Variants in GMEB1 observed in about 807,000 individuals in gnomAD.
GMEB1 encodes glucocorticoid modulatory element-binding protein 1.
In GMEB1, 6 loss-of-function variants were observed where a neutral mutation model predicts 52.4. That is an observed-to-expected ratio of 0.11 (90% confidence interval 0.06 to 0.23). The LOEUF is 0.23. GMEB1 is among the 10% of genes least tolerant of loss of function. The pLI is 1.00. For synonymous variants in GMEB1, 255 were observed against 244.9 expected, an observed-to-expected ratio of 1.04 and a Z score of -0.38; for missense variants, 486 against 685.6, an observed-to-expected ratio of 0.71 and a Z score of 3.25.
chr1:28,711,299 AG>A (rs1671049466), intron 9 of GMEB1, among the ~76,000 whole-genome samples: 2 of 121,974 alleles, frequency 1.6e-5, no homozygotes, highest in Non-Finnish European at 1.8e-5. Context: ...AAAAAAAAAA[AG>A]AAAAAAAAAC....
chr1:28,677,401 G>T (rs1223703104), intron 1 of GMEB1, among the ~76,000 whole-genome samples: 6 of 152,116 alleles, frequency 3.9e-5, no homozygotes, highest in Admixed American at 3.9e-4. Flanking sequence ...GTTTCCCCGT[G>T]TTAGCCAGGA....
chr1:28,707,460 C>T lies in GMEB1; in HGVS notation c.869-3060C>T, dbSNP rs369195251. ...ATGTATCATGGATTAGAGTGGGTAG[C>T]GGTAAAGTTAGGAAGAAGTGATTAG... On this transcript the variant is annotated intron_variant, in intron 8 of 9. Coordinates refer to ENST00000373816, the MANE Select transcript of GMEB1 (RefSeq NM_001319674.2). 1.7e-3 allele frequency among the ~76,000 whole-genome samples: 251 copies of T among 151,988 alleles called. 2 individuals are homozygous for T. The highest frequency in any genetic ancestry group is 3.5e-3 in the African/African-American group (147 of 41,450).
rs200233197 is a variant in GMEB1 at position 28,698,980 on chromosome 1, C to CA, written c.598+1905dup. Among the ~76,000 whole-genome samples, 54 of 148,988 alleles carry CA rather than the reference C, an allele frequency of 3.6e-4. No individual in the cohort carries two copies. The East Asian group carries it at 7.1e-3, about 19-fold the overall frequency. Reference sequence around the variant, plus strand: ...TGGGTAACAGAGCAAGACTCTGTCTCAAAAAAAAAGGAAAAAAGAAAAATG... The same window carrying CA: ...TGGGTAACAGAGCAAGACTCTGTCTCAAAAAAAAAAGGAAAAAAGAAAAATG... On this transcript the variant is annotated intron_variant, in intron 6 of 9. Transcript: ENST00000373816.
At position 28,693,059 on chromosome 1, in the gene GMEB1, T is replaced by G. The variant is rs1484559012; in HGVS notation, c.440+14T>G. ...GATCATGCTCAGGTAAGCTCTAATG[T>G]CAAGCACATACCTTTCAACAAACTT... On this transcript the variant is annotated intron_variant, in intron 5 of 9. Coordinates refer to ENST00000373816, the MANE Select transcript of GMEB1 (RefSeq NM_001319674.2). The G allele has an allele frequency of 7.1e-7, 1 of 1,398,742 alleles. No homozygotes were observed. The highest frequency in any genetic ancestry group is 1.0e-6 in the Non-Finnish European group (1 of 1,002,382). 86.6% of individuals were successfully genotyped at this position (1,398,742 alleles called of 1,614,324 possible). A position where few individuals can be genotyped will look rare whatever the true frequency, so the allele number is the denominator to read the frequency against.
chr1:28,683,975 G>A (rs112449151), intron 2 of GMEB1, among the ~76,000 whole-genome samples: 9 of 151,962 alleles, frequency 5.9e-5, no homozygotes, highest in African/African-American at 1.9e-4. Context: ...AGCTCCTTGA[G>A]GGTAAGTTGC....
At chr1:28,681,301 G>A (rs1341514568) in intron 1 of GMEB1, among the ~76,000 whole-genome samples, 2 of 152,170 alleles carry the variant, frequency 1.3e-5, no homozygotes, top group Non-Finnish European at 2.9e-5. Context: ...CTGGGAGGCA[G>A]AGGTTGCAGT....
intron 8 of GMEB1, among the ~76,000 whole-genome samples, chr1:28,707,757 A>G (rs1670849868): frequency 6.6e-6 from 1 of 152,208 alleles, no homozygotes; most frequent in Admixed American, 6.6e-5. Flanking sequence ...AATACAGGAA[A>G]GAGGTCAGGG....
Position 28,683,605 on chromosome 1 carries a change from T to C in GMEB1, c.-8T>C. 3.8e-6 allele frequency: 6 copies of C among 1,594,852 alleles called. No homozygotes were observed. The highest frequency in any genetic ancestry group is 2.3e-5 in the East Asian group (1 of 43,630). On this transcript the variant is annotated 5_prime_UTR_variant, in exon 2 of 10. The change abolishes an upstream ATG in the 5' untranslated region. Transcript: ENST00000373816. The stretch of plus-strand genomic sequence containing the variant: ...CAGCAGTCCCAGCTATCTGACTTCA[T>C]GTGAAAGATGGCTAATGCAGAAGTG...
intron 2 of GMEB1, among the ~76,000 whole-genome samples, chr1:28,687,889 G>T (rs970089262): frequency 6.6e-6 from 1 of 152,058 alleles, no homozygotes; most frequent in Admixed American, 6.6e-5. Flanking sequence ...TAACAAGGAT[G>T]GAGAGTATAG....
chr1:28,679,342 T>C (rs572296381), intron 1 of GMEB1, among the ~76,000 whole-genome samples: 4 of 152,236 alleles, frequency 2.6e-5, no homozygotes, highest in African/African-American at 9.6e-5. Context: ...CACACTTTGC[T>C]AATACTTATA....
chr1:28,709,778 T>A (rs1670960544), intron 8 of GMEB1, among the ~76,000 whole-genome samples: 1 of 152,048 alleles, frequency 6.6e-6, no homozygotes, highest in African/African-American at 2.4e-5. Context: ...ATTATTATTA[T>A]TTTTTACCCA....
intron 1 of GMEB1, among the ~76,000 whole-genome samples, chr1:28,678,157 C>A (rs1669237876): frequency 6.6e-6 from 1 of 151,352 alleles, no homozygotes; most frequent in Non-Finnish European, 1.5e-5. Flanking sequence ...CCACTGCACT[C>A]CAGCCTGGGG....
intron 1 of GMEB1, among the ~76,000 whole-genome samples, chr1:28,671,961 T>C (rs374947000): frequency 6.7e-6 from 1 of 148,508 alleles, no homozygotes; most frequent in South Asian, 2.1e-4. Context: ...TACTAAAAAA[T>C]ACAAAAATTA....
chr1:28,711,881 T>C (rs1671076487), intron 9 of GMEB1, among the ~76,000 whole-genome samples: 3 of 152,188 alleles, frequency 2.0e-5, no homozygotes, highest in Admixed American at 2.0e-4. Context: ...GACTGGGTAT[T>C]ATATAATTCA....
At chr1:28,685,971 CA>C (rs1333302634) in intron 2 of GMEB1, among the ~76,000 whole-genome samples, 2 of 152,070 alleles carry the variant, frequency 1.3e-5, no homozygotes, top group Non-Finnish European at 2.9e-5. Flanking sequence ...AACAAACAAA[CA>C]AAAAGAAATC....
At chr1:28,705,811 T>C (rs1200996612) in intron 8 of GMEB1, among the ~76,000 whole-genome samples, 1 of 152,026 alleles carries the variant, frequency 6.6e-6, no homozygotes, top group Non-Finnish European at 1.5e-5. Flanking sequence ...ACTATGTGTA[T>C]GTATAGAGAA....
At chr1:28,693,121 C>T (rs1670039820) in intron 5 of GMEB1, 76 bp downstream of exon 5, 3 of 594,918 alleles carry the variant, frequency 5.0e-6, no homozygotes, top group South Asian at 7.1e-5. Context: ...GGGCTTTTCT[C>T]TTTAGGTTGA....
At chr1:28,679,401 C>T (rs1355764166) in intron 1 of GMEB1, among the ~76,000 whole-genome samples, 1 of 152,056 alleles carries the variant, frequency 6.6e-6, no homozygotes, top group Non-Finnish European at 1.5e-5. Flanking sequence ...TGGTCTCGAA[C>T]TCCTGACCTC....
chr1:28,672,962 C>G (rs930615738), intron 1 of GMEB1, among the ~76,000 whole-genome samples: 7 of 151,632 alleles, frequency 4.6e-5, no homozygotes, highest in African/African-American at 7.3e-5. Context: ...GTGGCGCGAT[C>G]TCGGCTCAGC....
Sources: gnomAD v4.1 joint callset for allele counts (sites outside exome capture counted in the v4.1 genomes callset) on GRCh38, gnomAD v4.1.1 for gene constraint, MANE v1.5 for transcripts, NCBI Gene and HGNC (gene_info 2026-07-23, HGNC 2026-07-21) for gene names.